USP14: variants seen among roughly 807,000 people sequenced by gnomAD.
The protein encoded by USP14 is ubiquitin specific peptidase 14.
A neutral mutation model predicts 76.5 loss-of-function variants in USP14; 38 were observed. The observed-to-expected ratio is 0.50, with a 90% CI of 0.38 to 0.65. The LOEUF is 0.65. Ranked by LOEUF, USP14 falls within the 30% of genes least tolerant of loss-of-function variation. USP14 has a pLI of 0.00. For synonymous variants in USP14, 192 were observed against 191.7 expected (o/e 1.00, Z -0.01); for missense variants, 467 against 586.5 (o/e 0.80, Z 2.10).
intron 10 of USP14, among the ~76,000 whole-genome samples, chr18:201,276 A>G (rs531736610): frequency 1.3e-5 from 2 of 152,360 alleles, no homozygotes; most frequent in African/African-American, 4.8e-5. Context: ...TGACCAATAA[A>G]GAGAAGTCTT....
Position 207,416 on chromosome 18 carries a change from T to TA in USP14, c.1165-2553dup, listed in dbSNP as rs932736698. On this transcript the variant is annotated intron_variant, in intron 13 of 15. Transcript: ENST00000261601. ...AAAAGTATTACTATCTTAATAGTAT[T>TA]AAGACTAATCTCAGCACTTTGGGAG... is the stretch of plus-strand genomic sequence containing the variant. Among the ~76,000 whole-genome samples, 26 of 145,236 alleles carry TA rather than the reference T, an allele frequency of 1.8e-4. 2 individuals are homozygous for TA. Among genetic ancestry groups the TA allele is most frequent in the African/African-American group, 6.2e-4 (25 of 40,560 alleles).
At chr18:208,159 T>TA (rs1408976107) in intron 13 of USP14, among the ~76,000 whole-genome samples, 3 of 152,118 alleles carry the variant, frequency 2.0e-5, no homozygotes, top group African/African-American at 7.2e-5. Flanking sequence ...CAGGAGTTTT[T>TA]ACATTTCAAA....
rs2143078255 is a variant in USP14, at chr18:200,779, T to G, written c.876+1463T>G. On this transcript the variant is annotated intron_variant, in intron 10 of 15. Transcript: ENST00000261601. ...CTTCAAAAGCACTGATAATTAGGATTGTTTATTTTATTTTATTTTATTTAT... is the reference window on the plus strand; with the variant it reads ...CTTCAAAAGCACTGATAATTAGGATGGTTTATTTTATTTTATTTTATTTAT... Among the ~76,000 whole-genome samples, 2 of 150,378 alleles carry G rather than the reference T, an allele frequency of 1.3e-5. 1 individual carries two copies. The highest frequency in any genetic ancestry group is 6.8e-3 in the Middle Eastern group (2 of 294).
At chr18:164,795 G>C (rs972737624) in intron 2 of USP14, among the ~76,000 whole-genome samples, 11 of 151,974 alleles carry the variant, frequency 7.2e-5, no homozygotes, top group Non-Finnish European at 2.9e-5. Flanking sequence ...CTCCTACCTG[G>C]AGATGGGAGG....
intron 10 of USP14, 39 bp downstream of exon 10, chr18:199,355 T>A (rs1387636993): frequency 6.8e-7 from 1 of 1,461,754 alleles, no homozygotes; most frequent in South Asian, 1.2e-5. Context: ...GTTTGTGAAT[T>A]CCATGTTTGC....
Position 210,489 on chromosome 18 carries a change from A to G in USP14, c.1329A>G (p.Lys443=). The part of the protein sequence containing the change: ...SGHYVSWVKR[K]QDEWIKFDDD... Reference sequence around the variant, plus strand: ...ATTATGTATCATGGGTGAAAAGGAAACAAGGTAAAGGGTATTCTTTTTTCA... The same window carrying G: ...ATTATGTATCATGGGTGAAAAGGAAGCAAGGTAAAGGGTATTCTTTTTTCA... Residue 443 remains lysine, a synonymous_variant, in exon 15 of 16, where the codon AAA becomes AAG. Coordinates refer to ENST00000261601, the MANE Select transcript of USP14 (RefSeq NM_005151.4). The G allele has an allele frequency of 6.3e-7, 1 of 1,594,950 alleles. No homozygotes were observed. The highest frequency in any genetic ancestry group is 8.6e-7 in the Non-Finnish European group (1 of 1,165,324).
chr18:197,274 C>T (rs1910263087), intron 7 of USP14, among the ~76,000 whole-genome samples: 1 of 152,242 alleles, frequency 6.6e-6, no homozygotes, highest in Non-Finnish European at 1.5e-5. Flanking sequence ...CCCTGATGAC[C>T]TTATTGGAAC....
chr18:176,908 T>C (rs1027610053), intron 3 of USP14, among the ~76,000 whole-genome samples: 4 of 152,174 alleles, frequency 2.6e-5, no homozygotes, highest in South Asian at 2.1e-4. Context: ...TTAAGGGCAT[T>C]GTTTTAGTCT....
Position 164,565 on chromosome 18 carries a change from T to C in USP14, c.162+1112T>C, listed in dbSNP as rs1450973260. Reference sequence around the variant, plus strand: ...GCCTCCTGGGTTCAAGCGATTCTTATGCCTCAGCCTCCTGAGTAGCTGGGA... The same window carrying C: ...GCCTCCTGGGTTCAAGCGATTCTTACGCCTCAGCCTCCTGAGTAGCTGGGA... On this transcript the variant is annotated intron_variant, in intron 2 of 15. Coordinates refer to ENST00000261601, the MANE Select transcript of USP14 (RefSeq NM_005151.4). 2.0e-5 allele frequency among the ~76,000 whole-genome samples: 3 copies of C among 152,138 alleles called. No homozygotes were observed. The East Asian group carries it at 5.8e-4, about 29-fold the overall frequency.
At chr18:171,023 A>ATATAT (rs1555762329) in intron 3 of USP14, among the ~76,000 whole-genome samples, 152 of 46,720 alleles carry the variant, frequency 3.3e-3, no homozygotes, top group Non-Finnish European at 4.2e-3. Flanking sequence ...AAAAAAAAAA[A>ATATAT]AAATATATAT....
At chr18:171,025 A>AAAAAATATATAT (rs1327304974) in intron 3 of USP14, among the ~76,000 whole-genome samples, 2 of 47,684 alleles carry the variant, frequency 4.2e-5, no homozygotes, top group African/African-American at 1.7e-4. Context: ...AAAAAAAAAA[A>AAAAAATATATAT]ATATATATAT....
chr18:213,506 A>AGAG lies in USP14; in HGVS notation c.*2226_*2228dup, dbSNP rs1001350452. 2 of 152,110 alleles carry AGAG rather than the reference A, an allele frequency of 1.3e-5. No homozygotes were observed. The highest frequency in any genetic ancestry group is 4.8e-5 in the African/African-American group (2 of 41,300). 9.4% of individuals were successfully genotyped at this position (152,110 alleles called of 1,614,324 possible). The stretch of plus-strand genomic sequence containing the variant: ...TTGCCTGTAAGGTCTTTGAGAAGGG[A>AGAG]GAGGAGTAGGCCAAAAAAAAAAAAG... On this transcript the variant is annotated 3_prime_UTR_variant, in exon 16 of 16. Transcript: ENST00000261601.
At chr18:159,568 T>C (rs767498029) in intron 1 of USP14, among the ~76,000 whole-genome samples, 1 of 152,218 alleles carries the variant, frequency 6.6e-6, no homozygotes, top group Non-Finnish European at 1.5e-5. Flanking sequence ...AGTTCCTTTA[T>C]TGAAGATTCA....
chr18:171,025 A>AAAAAATAT (rs1327304974), intron 3 of USP14, among the ~76,000 whole-genome samples: 2 of 47,648 alleles, frequency 4.2e-5, no homozygotes, highest in African/African-American at 1.7e-4. Flanking sequence ...AAAAAAAAAA[A>AAAAAATAT]ATATATATAT....
Position 180,327 on chromosome 18 carries a change from A to G in USP14, c.392A>G (p.Asp131Gly). The G allele has an allele frequency of 2.5e-6, 4 of 1,591,320 alleles. No individual in the cohort carries two copies. The highest frequency in any genetic ancestry group is 1.4e-5 in the African/African-American group (1 of 73,244). The change falls in exon 5 of 16, where the codon GAT (aspartate) becomes GGT (glycine). Residue 131 changes from aspartate to glycine, a missense_variant. Asp to Gly is a moderately conservative substitution (Grantham distance 94, BLOSUM62 -1). Coordinates refer to ENST00000261601, the MANE Select transcript of USP14 (RefSeq NM_005151.4). ...QCIRSVPELK[D>G]ALKRYAGALR... ...ATTCGTTCTGTGCCTGAACTCAAAG[A>G]TGCCCTTAAAAGGTAAGACTGCAGT...
At chr18:181,824 ACTT>A (rs1909796515) in intron 5 of USP14, among the ~76,000 whole-genome samples, 1 of 152,078 alleles carries the variant, frequency 6.6e-6, no homozygotes, top group Non-Finnish European at 1.5e-5. Flanking sequence ...ACAAAGACTT[ACTT>A]CTTTGTTGTT....
rs1366211815 is a variant in USP14, at chr18:213,333, G to A, written c.*2049G>A. ...GGACTATATTAGAATTTTAAAAATT[G>A]TAATTAATTCCTTATCATCATTATA... On this transcript the variant is annotated 3_prime_UTR_variant, in exon 16 of 16. Coordinates refer to ENST00000261601, the MANE Select transcript of USP14 (RefSeq NM_005151.4). 2.0e-5 allele frequency: 3 copies of A among 147,420 alleles called. No homozygotes were observed. The highest frequency in any genetic ancestry group is 1.4e-4 in the Admixed American group (2 of 14,554). The allele number at this position is 147,420 out of a possible 1,614,324, so 9.1% of individuals were successfully genotyped here. A position where few individuals can be genotyped will look rare whatever the true frequency, so the allele number is the denominator to read the frequency against.
rs535535588 is a variant in USP14 at position 179,586 on chromosome 18, C to CTT, written c.300+563_300+564dup. ...TTCATTTTCATGGTTTTTTTTTTTGCTTTTTTTTTTTTTTTCCTTGAGATG... is the reference window on the plus strand; with the variant it reads ...TTCATTTTCATGGTTTTTTTTTTTGCTTTTTTTTTTTTTTTTTCCTTGAGATG... On this transcript the variant is annotated intron_variant, in intron 4 of 15. Coordinates refer to ENST00000261601, the MANE Select transcript of USP14 (RefSeq NM_005151.4). Among the ~76,000 whole-genome samples, 83 of 114,076 alleles carry CTT rather than the reference C, an allele frequency of 7.3e-4. No individual in the cohort carries two copies. The East Asian group carries it at 0.011, about 15-fold the overall frequency. 74.8% of individuals were successfully genotyped at this position (114,076 alleles called of 152,430 possible).
chr18:204,080 T>C (rs1264457705), intron 12 of USP14, among the ~76,000 whole-genome samples: 1 of 152,188 alleles, frequency 6.6e-6, no homozygotes, highest in Non-Finnish European at 1.5e-5. Flanking sequence ...TACTTAGCGT[T>C]GTATGAGAAG....
Sources: allele counts gnomAD v4.1 joint callset (sites outside exome capture counted in the v4.1 genomes callset), GRCh38; gene constraint gnomAD v4.1.1; transcripts MANE v1.5; gene names NCBI Gene and HGNC (gene_info 2026-07-23, HGNC 2026-07-21).